GRM5: variants seen among roughly 807,000 people sequenced by gnomAD.
The protein encoded by GRM5 is metabotropic glutamate receptor 5.
In GRM5, 19 loss-of-function variants were observed where a neutral mutation model predicts 83.1. The observed-to-expected ratio is 0.23, with a 90% confidence interval of 0.16 to 0.34. The LOEUF (loss-of-function observed/expected upper bound fraction) is 0.34, where lower values mean the gene tolerates loss of function less well. Among genes scored for constraint, GRM5 ranks in the 10% least tolerant of loss-of-function variants. The pLI, the probability that GRM5 is intolerant of heterozygous loss-of-function variation, is 1.00. For synonymous variants in GRM5, 675 were observed against 633.6 expected, an observed-to-expected ratio of 1.07 and a Z score of -0.98; for missense variants, 1,160 against 1,588.3, an observed-to-expected ratio of 0.73 and a Z score of 4.58.
intron 3 of GRM5, among the ~76,000 whole-genome samples, chr11:88,718,932 TCTC>T (rs1468240842): frequency 6.6e-6 from 1 of 151,958 alleles, no homozygotes; most frequent in Admixed American, 6.6e-5. Context: ...TGTTTTGTCT[TCTC>T]CTTGTTATTC....
At chr11:88,681,563 TC>T (rs767997724) in intron 3 of GRM5, among the ~76,000 whole-genome samples, 3 of 109,746 alleles carry the variant, frequency 2.7e-5, no homozygotes, top group African/African-American at 6.7e-5. Context: ...GTTGAGTTCT[TC>T]CTTTTTTTTT....
At chr11:88,671,586 G>A (rs1031952313) in intron 3 of GRM5, among the ~76,000 whole-genome samples, 2 of 152,006 alleles carry the variant, frequency 1.3e-5, no homozygotes, top group African/African-American at 2.4e-5. Context: ...GTAGTAGACA[G>A]CAATGAAAAT....
intron 1 of GRM5, among the ~76,000 whole-genome samples, chr11:89,051,043 C>T (rs1052666426): frequency 5.3e-5 from 8 of 151,918 alleles, no homozygotes; most frequent in South Asian, 4.2e-4. Context: ...ACAACAAATC[C>T]CCATGACACC....
In GRM5 at chr11:88,997,523, A is replaced by T. The variant is rs181126457; in HGVS notation, c.661+49689T>A. 2.4e-4 allele frequency among the ~76,000 whole-genome samples: 36 copies of T among 152,136 alleles called. No individual in the cohort carries two copies. The East Asian group carries it at 6.0e-3, about 25-fold the overall frequency. On this transcript the variant is annotated intron_variant, in intron 2 of 9. Coordinates refer to ENST00000305447, the MANE Select transcript of GRM5 (RefSeq NM_001143831.3). Reference sequence around the variant, plus strand: ...GTTACTTCATTTAAAAAAATCAGTAAAATTGACAATCCTCTAAGAAGACTG... The same window carrying T: ...GTTACTTCATTTAAAAAAATCAGTATAATTGACAATCCTCTAAGAAGACTG...
At chr11:88,685,272 C>T (rs1186888539) in intron 3 of GRM5, among the ~76,000 whole-genome samples, 1 of 152,170 alleles carries the variant, frequency 6.6e-6, no homozygotes, top group Admixed American at 6.5e-5. Context: ...CATTTTGCTC[C>T]TGCCCTAGAG....
chr11:88,946,154 A>C (rs1938277893), intron 2 of GRM5, among the ~76,000 whole-genome samples: 1 of 152,158 alleles, frequency 6.6e-6, no homozygotes, highest in African/African-American at 2.4e-5. Context: ...GCTAATCTTC[A>C]GAGAAATGCA....
chr11:88,525,468 C>T (rs1480380321), intron 8 of GRM5, 64 bp from the exon 9 acceptor site: 6 of 1,016,414 alleles, frequency 5.9e-6, no homozygotes, highest in Non-Finnish European at 9.2e-6. Context: ...AACTGCCAGG[C>T]TGAGGAACGG....
chr11:88,591,727 G>T (rs1358106777), intron 6 of GRM5, among the ~76,000 whole-genome samples: 1 of 152,112 alleles, frequency 6.6e-6, no homozygotes, highest in African/African-American at 2.4e-5. Context: ...AGTATTTCTT[G>T]TGTTGACTCT....
At chr11:89,060,029 A>G (rs1345479337) in intron 1 of GRM5, among the ~76,000 whole-genome samples, 2 of 152,152 alleles carry the variant, frequency 1.3e-5, no homozygotes, top group Non-Finnish European at 2.9e-5. Context: ...CACAAAGCTG[A>G]GATTCAAACC....
intron 8 of GRM5, among the ~76,000 whole-genome samples, chr11:88,563,739 A>C (rs1942809543): frequency 6.6e-6 from 1 of 152,230 alleles, no homozygotes; most frequent in African/African-American, 2.4e-5. Flanking sequence ...TTAGAAGAAA[A>C]TGTAAAAATA....
chr11:88,687,562 TATATATATATATATATA>T (rs1159985299), intron 3 of GRM5, among the ~76,000 whole-genome samples: 2 of 2,108 alleles, frequency 9.5e-4, no homozygotes. Flanking sequence ...ACATATATAT[TATATATATATATATATA>T]ATATATATAT....
intron 5 of GRM5, among the ~76,000 whole-genome samples, chr11:88,599,566 T>G (rs1937917594): frequency 6.6e-6 from 1 of 152,186 alleles, no homozygotes; most frequent in Non-Finnish European, 1.5e-5. Flanking sequence ...TTTTCAGAGA[T>G]AGAATATAGC....
chr11:88,984,034 T>C (rs1041014205), intron 2 of GRM5, among the ~76,000 whole-genome samples: 13 of 152,162 alleles, frequency 8.5e-5, no homozygotes, highest in African/African-American at 2.9e-4. Flanking sequence ...TTTAAAGCTG[T>C]TATTATGATA....
intron 3 of GRM5, among the ~76,000 whole-genome samples, chr11:88,787,129 T>C (rs1943086473): frequency 9.4e-6 from 1 of 105,904 alleles, no homozygotes; most frequent in South Asian, 3.3e-4. Flanking sequence ...ATATATGATA[T>C]GATGTGTGTG....
chr11:88,615,467 C>T (rs1031046572), intron 4 of GRM5, among the ~76,000 whole-genome samples: 1 of 152,084 alleles, frequency 6.6e-6, no homozygotes, highest in Non-Finnish European at 1.5e-5. Flanking sequence ...TGTGCCATTT[C>T]ACCTACTTTC....
At chr11:88,830,732 C>T (rs900834734) in intron 3 of GRM5, among the ~76,000 whole-genome samples, 11 of 152,170 alleles carry the variant, frequency 7.2e-5, no homozygotes, top group African/African-American at 2.7e-4. Context: ...AGGGAGGTCA[C>T]GCTGTGTATT....
chr11:89,015,109 T>C (rs1295909997), intron 2 of GRM5, among the ~76,000 whole-genome samples: 1 of 152,252 alleles, frequency 6.6e-6, no homozygotes, highest in Non-Finnish European at 1.5e-5. Context: ...ACATATTACA[T>C]AACTTAATAT....
intron 8 of GRM5, among the ~76,000 whole-genome samples, chr11:88,529,647 G>A (rs904201444): frequency 6.6e-6 from 1 of 151,940 alleles, no homozygotes; most frequent in Non-Finnish European, 1.5e-5. Context: ...TAGATAAAAT[G>A]CAATGGACTT....
chr11:89,017,628 C>T (rs759550851), intron 2 of GRM5, among the ~76,000 whole-genome samples: 15 of 152,186 alleles, frequency 9.9e-5, no homozygotes, highest in Middle Eastern at 3.2e-3. Flanking sequence ...GCCAAGGTAA[C>T]AGAGCTACTA....
Sources: allele counts gnomAD v4.1 joint callset (sites outside exome capture counted in the v4.1 genomes callset), GRCh38; gene constraint gnomAD v4.1.1; transcripts MANE v1.5; gene names NCBI Gene and HGNC (gene_info 2026-07-23, HGNC 2026-07-21).